Variants in PPFIBP2 observed in about 807,000 individuals in gnomAD.
PPFIBP2 encodes PPFIB scaffold protein 2.
A neutral mutation model predicts 118.3 loss-of-function variants in PPFIBP2; 118 were observed. The observed-to-expected ratio is 1.00, with a 90% CI of 0.86 to 1.16. The LOEUF (loss-of-function observed/expected upper bound fraction) is 1.16, where lower values mean the gene tolerates loss of function less well. PPFIBP2 is among the 50% of genes most tolerant of loss of function. PPFIBP2 has a pLI of 0.00. For synonymous variants in PPFIBP2, 414 were observed against 397.4 expected, an observed-to-expected ratio of 1.04 and a Z score of -0.50; for missense variants, 1,195 against 1,073.1, an observed-to-expected ratio of 1.11 and a Z score of -1.59.
chr11:7,523,839 C>G (rs545057589), intron 1 of PPFIBP2, among the ~76,000 whole-genome samples: 29 of 152,316 alleles, frequency 1.9e-4, no homozygotes, highest in African/African-American at 6.5e-4. Context: ...GATTTCTCTG[C>G]CTGCTTAGGG....
At chr11:7,553,380 C>T (rs1289960069) in intron 2 of PPFIBP2, among the ~76,000 whole-genome samples, 1 of 152,128 alleles carries the variant, frequency 6.6e-6, no homozygotes, top group Non-Finnish European at 1.5e-5. Context: ...CTATGCTATT[C>T]TTGATAAAAA....
chr11:7,641,818 C>T, intron 16 of PPFIBP2, 198 bp downstream of exon 16: 1 of 620,924 alleles, frequency 1.6e-6, no homozygotes, highest in Non-Finnish European at 2.8e-6. Context: ...TTGAATATAT[C>T]CAGTTGCCTT....
intron 3 of PPFIBP2, among the ~76,000 whole-genome samples, chr11:7,579,866 T>C (rs1857005800): frequency 6.6e-6 from 1 of 152,076 alleles, no homozygotes; most frequent in African/African-American, 2.4e-5. Context: ...AAACTCAAAG[T>C]GTAGACATGT....
intron 12 of PPFIBP2, among the ~76,000 whole-genome samples, chr11:7,633,165 C>G (rs760888213): frequency 5.3e-5 from 8 of 152,126 alleles, no homozygotes; most frequent in Non-Finnish European, 1.0e-4. Context: ...AAGGATCTGG[C>G]CAAGGATTAG....
chr11:7,606,886 A>ATTTTTTTTTTTTTTTTTTTTT (rs529585905), intron 5 of PPFIBP2, among the ~76,000 whole-genome samples: 2 of 51,440 alleles, frequency 3.9e-5, no homozygotes, highest in Non-Finnish European at 7.4e-5. Context: ...AACTGCATGA[A>ATTTTTTTTTTTTTTTTTTTTT]TTTTTTTTTT....
the PPFIBP2 span, chr11:7,665,335 T>A: frequency 1.4e-6 from 2 of 1,452,200 alleles, no homozygotes; most frequent in South Asian, 2.9e-5. Flanking sequence ...CTGAAACAGA[T>A]GAAAAGGGAC....
chr11:7,533,904 T>A lies in PPFIBP2; in HGVS notation c.-36-15536T>A, dbSNP rs573382350. Among the ~76,000 whole-genome samples the A allele has an allele frequency of 2.7e-4, 41 of 152,286 alleles. 1 individual carries two copies. The East Asian group carries it at 6.6e-3, about 24-fold the overall frequency. On this transcript the variant is annotated intron_variant, in intron 1 of 23. Coordinates refer to ENST00000299492, the MANE Select transcript of PPFIBP2 (RefSeq NM_003621.5). Reference sequence around the variant, plus strand: ...CTGAAAGCACTGTGAAGCCGAGGAATGTTTGAGAGCAGAGGAGCATGTCAT... The same window carrying A: ...CTGAAAGCACTGTGAAGCCGAGGAAAGTTTGAGAGCAGAGGAGCATGTCAT...
intron 5 of PPFIBP2, among the ~76,000 whole-genome samples, chr11:7,602,898 C>T (rs1846846572): frequency 6.6e-6 from 1 of 152,086 alleles, no homozygotes; most frequent in Admixed American, 6.5e-5. Flanking sequence ...GTACCTGTTT[C>T]CTTATTAGTA....
At chr11:7,656,586 T>C, downstream of PPFIBP2, 1 of 414,282 alleles carries the variant, frequency 2.4e-6, no homozygotes, top group African/African-American at 2.1e-5. Flanking sequence ...ATACTCAGGG[T>C]TTCTTGGGAC....
At chr11:7,661,358 C>T (rs1183241655), downstream of PPFIBP2, among the ~76,000 whole-genome samples, 2 of 151,126 alleles carry the variant, frequency 1.3e-5, no homozygotes, top group Non-Finnish European at 2.9e-5. Context: ...TCTCTGTTCT[C>T]GTTGGTTTCA....
At chr11:7,568,104 C>T (rs1402581915) in intron 3 of PPFIBP2, among the ~76,000 whole-genome samples, 1 of 152,220 alleles carries the variant, frequency 6.6e-6, no homozygotes, top group Non-Finnish European at 1.5e-5. Context: ...GCATTGTTCA[C>T]ACCTAGAATT....
chr11:7,665,818 G>A, the PPFIBP2 span: 21 of 1,526,164 alleles, frequency 1.4e-5, no homozygotes, highest in East Asian at 2.5e-5. Flanking sequence ...AGAACACAAC[G>A]AGGTATACCG....
chr11:7,534,861 C>G lies in PPFIBP2; in HGVS notation c.-36-14579C>G, dbSNP rs1317169377. ...TGCTTTCCCAGACCGCCTTCCTGGC[C>G]TTACCCCACCTGGCAAAATGAATTA... is the stretch of plus-strand genomic sequence containing the variant. On this transcript the variant is annotated intron_variant, in intron 1 of 23. Transcript: ENST00000299492. 3.3e-5 allele frequency among the ~76,000 whole-genome samples: 5 copies of G among 152,250 alleles called. No homozygotes were observed. In the East Asian group the frequency reaches 9.6e-4, roughly 29 times the overall value.
chr11:7,517,148 CAG>C (rs1003622104), intron 1 of PPFIBP2, among the ~76,000 whole-genome samples: 3 of 152,076 alleles, frequency 2.0e-5, no homozygotes, highest in Non-Finnish European at 4.4e-5. Context: ...TGGGATAACA[CAG>C]GGGAGAAAAA....
Position 7,565,630 on chromosome 11 carries a change from T to G in PPFIBP2, c.142T>G (p.Phe48Val). The change falls in exon 3 of 24, where the codon TTC (phenylalanine) becomes GTC (valine). Residue 48 changes from phenylalanine to valine, a missense_variant. Coordinates refer to ENST00000299492, the MANE Select transcript of PPFIBP2 (RefSeq NM_003621.5). ...TTCCCCGGCCTCCTACATGAACCCC[T>G]TCCCGGTGCTCCATCTCATCGAGGA... is the stretch of plus-strand genomic sequence containing the variant. ...LASPASYMNP[F>V]PVLHLIEDLR... 1 of 1,614,184 alleles carries G rather than the reference T, an allele frequency of 6.2e-7. No homozygotes were observed. Among genetic ancestry groups the G allele is most frequent in the South Asian group, 1.1e-5 (1 of 91,084 alleles).
downstream of PPFIBP2, among the ~76,000 whole-genome samples, chr11:7,654,151 G>A (rs1253185687): frequency 6.6e-6 from 1 of 152,214 alleles, no homozygotes; most frequent in Non-Finnish European, 1.5e-5. Flanking sequence ...TGTTTTGCTG[G>A]CTTCTCTATT....
chr11:7,662,941 G>T, the PPFIBP2 span, among the ~76,000 whole-genome samples: 1 of 135,232 alleles, frequency 7.4e-6, no homozygotes, highest in Non-Finnish European at 1.7e-5. Context: ...TGATCGCATC[G>T]GCTCCTGAGG....
chr11:7,612,474 G>C (rs1371887877), intron 6 of PPFIBP2, among the ~76,000 whole-genome samples: 1 of 152,238 alleles, frequency 6.6e-6, no homozygotes, highest in Non-Finnish European at 1.5e-5. Context: ...ACCAAGCTAG[G>C]ATAATGCAGT....
intron 23 of PPFIBP2, among the ~76,000 whole-genome samples, chr11:7,652,560 G>A (rs1026191713): frequency 1.3e-5 from 2 of 152,222 alleles, no homozygotes; most frequent in African/African-American, 4.8e-5. Context: ...GGGGGAGTCA[G>A]GCAGAAACAG....
Sources: gnomAD v4.1 joint callset for allele counts (sites outside exome capture counted in the v4.1 genomes callset) on GRCh38, gnomAD v4.1.1 for gene constraint, MANE v1.5 for transcripts, NCBI Gene and HGNC (gene_info 2026-07-23, HGNC 2026-07-21) for gene names.